Variants in ALPL observed in about 807,000 individuals in gnomAD.
ALPL encodes the protein alkaline phosphatase, biomineralization associated, also known as alkaline phosphatase, tissue-nonspecific isozyme.
Under a neutral mutation model 51.3 loss-of-function variants are expected in ALPL, and 42 were observed. The observed-to-expected ratio is 0.82, with a 90% CI of 0.64 to 1.06. ALPL has a LOEUF of 1.06. Among genes scored for constraint, ALPL ranks in the 50% least tolerant of loss-of-function variants. ALPL has a pLI of 0.00. For synonymous variants in ALPL, 279 were observed against 296.4 expected (o/e 0.94, Z 0.60); for missense variants, 589 against 709.4 (o/e 0.83, Z 1.93).
intron 2 of ALPL, among the ~76,000 whole-genome samples, chr1:21,559,712 A>G (rs1322699806): frequency 6.6e-6 from 1 of 152,094 alleles, no homozygotes; most frequent in Admixed American, 6.6e-5. Flanking sequence ...TAGAGACGGG[A>G]TATCACCGTG....
chr1:21,538,629 C>T (rs1300711662), intron 1 of ALPL, among the ~76,000 whole-genome samples: 1 of 152,166 alleles, frequency 6.6e-6, no homozygotes, highest in Non-Finnish European at 1.5e-5. Flanking sequence ...ACATCCTCTG[C>T]TAGGGGGAGG....
chr1:21,547,846 C>T (rs558500034), intron 1 of ALPL, among the ~76,000 whole-genome samples: 86 of 152,312 alleles, frequency 5.6e-4, no homozygotes, highest in African/African-American at 1.8e-3. Flanking sequence ...GGTAGTGACA[C>T]GTTTGTCCCA....
At chr1:21,563,083 C>T in intron 4 of ALPL, 27 bp from the exon 5 acceptor site, 1 of 1,613,266 alleles carries the variant, frequency 6.2e-7, no homozygotes, top group East Asian at 2.2e-5. Context: ...GCCTGGCCAT[C>T]TCCTGACCCT....
In ALPL at chr1:21,568,100, T is replaced by G; in HGVS notation, c.649-4T>G. The G allele has an allele frequency of 6.2e-7, 1 of 1,613,964 alleles. No homozygotes were observed. Among genetic ancestry groups the G allele is most frequent in the Non-Finnish European group, 8.5e-7 (1 of 1,179,986 alleles). On this transcript the variant is annotated splice_region_variant and splice_polypyrimidine_tract_variant and intron_variant, in intron 6 of 11. Transcript: ENST00000374840. ...GCAGAAGTGATGGCTCCTGTCTCTT[T>G]TAGGTGATCATGGGGGGTGGCCGGA... is the stretch of plus-strand genomic sequence containing the variant.
At chr1:21,533,935 A>AAAAG (rs1553407740) in intron 1 of ALPL, among the ~76,000 whole-genome samples, 29 of 100,486 alleles carry the variant, frequency 2.9e-4, no homozygotes, top group East Asian at 1.4e-3. Context: ...AAAAAAAAAA[A>AAAAG]AAGAAGAAGA....
chr1:21,561,613 C>G (rs548807989), intron 4 of ALPL, among the ~76,000 whole-genome samples: 1 of 151,576 alleles, frequency 6.6e-6, no homozygotes, highest in South Asian at 2.1e-4. Context: ...ACAGCCTTGG[C>G]CTCCCAGTCT....
At chr1:21,574,988 C>T (rs753194266) in intron 9 of ALPL, among the ~76,000 whole-genome samples, 2 of 152,232 alleles carry the variant, frequency 1.3e-5, no homozygotes, top group Non-Finnish European at 2.9e-5. Flanking sequence ...GTCACAGAGC[C>T]CTCGGCTGCT....
At chr1:21,537,883 C>T (rs940672842) in intron 1 of ALPL, among the ~76,000 whole-genome samples, 2 of 152,176 alleles carry the variant, frequency 1.3e-5, no homozygotes, top group African/African-American at 2.4e-5. Flanking sequence ...AAGCCCCCGG[C>T]GCGTAGTAGT....
At chr1:21,537,054 G>A (rs540024065) in intron 1 of ALPL, among the ~76,000 whole-genome samples, 93 of 151,994 alleles carry the variant, frequency 6.1e-4, no homozygotes, top group Middle Eastern at 3.4e-3. Context: ...CCGCCACCAC[G>A]CCTGGCTAAT....
rs1221539606 is a variant in ALPL, at chr1:21,554,133, T to A, written c.52T>A (p.Leu18Ile). The A allele has an allele frequency of 2.5e-6, 4 of 1,609,364 alleles. No homozygotes were observed. The East Asian group carries it at 9.0e-5, about 36-fold the overall frequency. ...LAIGTCLTNS[L>I]VPEKEKDPKY... The stretch of plus-strand genomic sequence containing the variant: ...CATTGGCACCTGCCTTACTAACTCC[T>A]TAGTGCCAGGTATGCTTGGGGACAC... Residue 18 changes from leucine to isoleucine, a missense_variant, in exon 2 of 12, where the codon TTA becomes ATA. Physicochemically the swap from Leu to Ile is conservative, Grantham distance 5 (BLOSUM62 2). Coordinates refer to ENST00000374840, the MANE Select transcript of ALPL (RefSeq NM_000478.6).
chr1:21,577,231 C>T (rs1644749571), intron 11 of ALPL, 152 bp from the exon 12 acceptor site: 1 of 1,235,360 alleles, frequency 8.1e-7, no homozygotes, highest in Non-Finnish European at 1.2e-6. Context: ...AATCCCGTGG[C>T]CTTAGGCAAA....
chr1:21,543,390 G>A (rs886556722), intron 1 of ALPL, among the ~76,000 whole-genome samples: 2 of 151,706 alleles, frequency 1.3e-5, no homozygotes, highest in Non-Finnish European at 2.9e-5. Context: ...TTAGCCCCTC[G>A]ACAACTTTTC....
intron 1 of ALPL, among the ~76,000 whole-genome samples, chr1:21,521,018 C>T (rs1643877998): frequency 6.6e-6 from 1 of 152,198 alleles, no homozygotes; most frequent in African/African-American, 2.4e-5. Context: ...TGCCAGTTGG[C>T]ATCATGGCTG....
chr1:21,572,680 C>T (rs10917020), intron 8 of ALPL, among the ~76,000 whole-genome samples: 28,632 of 151,968 alleles, frequency 0.19, 3,267 homozygotes, highest in East Asian at 0.45. Context: ...TACCCACTCA[C>T]AGAGGGGCAG....
intron 6 of ALPL, among the ~76,000 whole-genome samples, chr1:21,565,396 G>A (rs943012645): frequency 7.9e-5 from 12 of 152,202 alleles, no homozygotes; most frequent in African/African-American, 2.9e-4. Flanking sequence ...TTCCCCACCT[G>A]TGCAGCAGAA....
At chr1:21,555,780 C>A (rs912453190) in intron 2 of ALPL, among the ~76,000 whole-genome samples, 3 of 150,968 alleles carry the variant, frequency 2.0e-5, no homozygotes, top group African/African-American at 7.3e-5. Flanking sequence ...TTTTGTTTTT[C>A]TTTTTTTTGA....
At chr1:21,551,719 G>GTTTTTTTTTT (rs397861981) in intron 1 of ALPL, among the ~76,000 whole-genome samples, 966 of 61,420 alleles carry the variant, frequency 0.016, 143 homozygotes, top group Non-Finnish European at 0.023. Flanking sequence ...AGCTTGCGTG[G>GTTTTTTTTTT]TTTTTTTTTT....
At chr1:21,534,289 T>A (rs1452907990) in intron 1 of ALPL, among the ~76,000 whole-genome samples, 2 of 152,234 alleles carry the variant, frequency 1.3e-5, no homozygotes, top group Non-Finnish European at 2.9e-5. Flanking sequence ...ACATGTATAT[T>A]CTGACTGTCC....
intron 1 of ALPL, among the ~76,000 whole-genome samples, chr1:21,522,494 T>G (rs767297080): frequency 6.6e-6 from 1 of 152,154 alleles, no homozygotes; most frequent in Non-Finnish European, 1.5e-5. Context: ...GGTCACCTGG[T>G]TGGTGTCACG....
Sources: allele counts gnomAD v4.1 joint callset (sites outside exome capture counted in the v4.1 genomes callset), GRCh38; gene constraint gnomAD v4.1.1; transcripts MANE v1.5; gene names NCBI Gene and HGNC (gene_info 2026-07-23, HGNC 2026-07-21).